The following SHISAL2A variants were observed in gnomAD, a reference collection of about 807,000 sequenced individuals.
SHISAL2A encodes the protein shisa like 2A, also known as protein shisa-like-2A.
In SHISAL2A, 18 loss-of-function variants were observed where a neutral mutation model predicts 11.5. The observed-to-expected ratio is 1.57, with a 90% confidence interval of 1.08 to 2.33. The LOEUF (loss-of-function observed/expected upper bound fraction) is 2.33. SHISAL2A is among the 30% of genes most tolerant of loss of function. The probability of loss-of-function intolerance (pLI) is 0.00; values close to 1 mark genes in which losing one functional copy is unlikely to be tolerated. For synonymous variants in SHISAL2A, 94 were observed against 99.6 expected, an observed-to-expected ratio of 0.94 and a Z score of 0.34; for missense variants, 261 against 250.9, an observed-to-expected ratio of 1.04 and a Z score of -0.27.
downstream of SHISAL2A, among the ~76,000 whole-genome samples, chr1:52,658,517 G>A (rs1271302646): frequency 6.6e-6 from 1 of 152,180 alleles, no homozygotes; most frequent in African/African-American, 2.4e-5. Context: ...CTGTGCCTCA[G>A]TCCTCTCATC....
downstream of SHISAL2A, among the ~76,000 whole-genome samples, chr1:52,660,503 G>A (rs1354959580): frequency 1.3e-5 from 2 of 152,178 alleles, no homozygotes; most frequent in East Asian, 3.9e-4. Context: ...AATAGTCTGA[G>A]CTCACCGCTG....
chr1:52,651,463 T>G (rs570550403), intron 2 of SHISAL2A, among the ~76,000 whole-genome samples: 1 of 152,190 alleles, frequency 6.6e-6, no homozygotes, highest in South Asian at 2.1e-4. Flanking sequence ...GGTCTTGAAC[T>G]CCTGACCTCG....
chr1:52,669,642 G>A (rs1296598995), exon 6 of SHISAL2A: 1 of 149,138 alleles, frequency 6.7e-6, no homozygotes, highest in African/African-American at 2.5e-5. Flanking sequence ...CCCCAGCCTG[G>A]GTGACAGAGC....
chr1:52,668,780 C>T (rs1692057879), exon 6 of SHISAL2A: 1 of 152,354 alleles, frequency 6.6e-6, no homozygotes, highest in African/African-American at 2.4e-5. Context: ...CTCACCTTTC[C>T]CCCAACTAAC....
chr1:52,665,097 C>T (rs552750715), intron 4 of SHISAL2A, among the ~76,000 whole-genome samples: 53 of 152,256 alleles, frequency 3.5e-4, no homozygotes, highest in African/African-American at 1.2e-3. Context: ...CACCCCTATG[C>T]GATGTCTGTA....
At position 52,633,670 on chromosome 1, in the gene SHISAL2A, G is replaced by T. The variant is rs368496104; in HGVS notation, c.177G>T (p.Trp59Cys). 2.7e-5 allele frequency: 44 copies of T among 1,604,832 alleles called. No homozygotes were observed. Among genetic ancestry groups the T allele is most frequent in the Admixed American group, 8.5e-5 (5 of 59,142 alleles). ...CCTACGAGCACAGCTACATGTGGTG[G>T]CTCAGGTACCGTCCCTGGCCCTCAC... is the stretch of plus-strand genomic sequence containing the variant. ...FFPYEHSYMW[W>C]LSIGALIGLS... Residue 59 changes from tryptophan to cysteine, a missense_variant, in exon 1 of 3, where the codon TGG becomes TGT. Physicochemically the swap from Trp to Cys is radical, Grantham distance 215. Transcript: ENST00000517870. The surrounding 1 kb of genome is among the most constrained non-coding windows in gnomAD (Gnocchi z 6.4).
intron 1 of SHISAL2A, among the ~76,000 whole-genome samples, chr1:52,641,670 G>C (rs1432526374): frequency 6.6e-6 from 1 of 152,190 alleles, no homozygotes; most frequent in Non-Finnish European, 1.5e-5. Context: ...CCTGGGCACG[G>C]TTGGCTCATG....
intron 1 of SHISAL2A, among the ~76,000 whole-genome samples, chr1:52,640,627 CA>C (rs939639303): frequency 8.7e-5 from 13 of 150,282 alleles, no homozygotes; most frequent in East Asian, 2.0e-4. Context: ...AAAAAACAAA[CA>C]AAAAAAAACA....
intron 1 of SHISAL2A, among the ~76,000 whole-genome samples, chr1:52,639,403 T>TG (rs1691308729): frequency 6.6e-6 from 1 of 152,208 alleles, no homozygotes; most frequent in Non-Finnish European, 1.5e-5. Flanking sequence ...TAGTGTGTCC[T>TG]GCTCTTTTCA....
downstream of SHISAL2A, among the ~76,000 whole-genome samples, chr1:52,657,447 G>A (rs1691814747): frequency 1.3e-5 from 2 of 152,268 alleles, no homozygotes; most frequent in South Asian, 2.1e-4. Flanking sequence ...CCTGGAGTGC[G>A]CCATCCTGGA....
At chr1:52,645,417 G>GTTTTT (rs1317602391) in intron 2 of SHISAL2A, among the ~76,000 whole-genome samples, 1 of 152,072 alleles carries the variant, frequency 6.6e-6, no homozygotes, top group Non-Finnish European at 1.5e-5. Context: ...GTTTTGTTTT[G>GTTTTT]TTTTGTTTGA....
intron 2 of SHISAL2A, among the ~76,000 whole-genome samples, chr1:52,647,061 T>C (rs1036866098): frequency 6.6e-6 from 1 of 152,192 alleles, no homozygotes; most frequent in Non-Finnish European, 1.5e-5. Context: ...CTTGAATTAC[T>C]GAACTTAGGT....
rs909379664 is a variant in SHISAL2A at position 52,633,217 on chromosome 1, G to A, written c.-277G>A. On this transcript the variant is annotated 5_prime_UTR_variant, in exon 1 of 3. Transcript: ENST00000517870. This position sits in a 1 kb window ranked among gnomAD's most constrained non-coding sequence, Gnocchi z 6.4. ...CGGCCCAGCTCCCCGCGTCCGCTCC[G>A]GCTCCTGCCGCGTTCCAGCAGCCGT... 73 of 278,876 alleles carry A rather than the reference G, an allele frequency of 2.6e-4. No homozygotes were observed. The highest frequency in any genetic ancestry group is 3.5e-4 in the Non-Finnish European group (53 of 151,218). 17.3% of individuals were successfully genotyped at this position (278,876 alleles called of 1,614,324 possible).
chr1:52,649,551 G>A lies in SHISAL2A; in HGVS notation c.322+6549G>A, dbSNP rs772483144. Among the ~76,000 whole-genome samples, 20 of 152,136 alleles carry A rather than the reference G, an allele frequency of 1.3e-4. 1 individual carries two copies. Among genetic ancestry groups the A allele is most frequent in the African/African-American group, 3.6e-4 (15 of 41,418 alleles). ...GCATTCTGTACTCTGTCCCATCACCGTCACACCCATCCCATCCCCAAACTT... is the reference window on the plus strand; with the variant it reads ...GCATTCTGTACTCTGTCCCATCACCATCACACCCATCCCATCCCCAAACTT... On this transcript the variant is annotated intron_variant, in intron 2 of 2. Transcript: ENST00000517870.
intron 1 of SHISAL2A, 117 bp from the exon 2 acceptor site, chr1:52,642,746 T>C (rs1166201867): frequency 1.9e-5 from 21 of 1,107,390 alleles, no homozygotes; most frequent in East Asian, 2.4e-5. Context: ...TAAATATTTT[T>C]ATTCTGTACA....
chr1:52,653,626 A>G (rs1283674757), intron 2 of SHISAL2A, among the ~76,000 whole-genome samples: 1 of 152,062 alleles, frequency 6.6e-6, no homozygotes, highest in Non-Finnish European at 1.5e-5. Flanking sequence ...ATAACCAACC[A>G]AACAAAAAAA....
At chr1:52,643,886 G>C (rs1024617421) in intron 2 of SHISAL2A, among the ~76,000 whole-genome samples, 3 of 141,592 alleles carry the variant, frequency 2.1e-5, no homozygotes, top group Admixed American at 2.1e-4. Context: ...GAAAGAGAGA[G>C]AGAGAGAGGG....
exon 5 of SHISAL2A, chr1:52,667,483 C>A: frequency 2.1e-6 from 1 of 484,932 alleles, no homozygotes. Context: ...TCACCATCAC[C>A]ATCACCATCA....
At position 52,643,878 on chromosome 1, in the gene SHISAL2A, AAGAG is replaced by A. The variant is rs755482602; in HGVS notation, c.322+889_322+892del. Reference sequence around the variant, plus strand: ...AAAGAAAGAAAGAAAGAAAGAGAGAAAGAGAGAGAGAGAGAGGGAGGGAGGGAGG... The same window carrying A: ...AAAGAAAGAAAGAAAGAAAGAGAGAAAGAGAGAGAGAGGGAGGGAGGGAGG... On this transcript the variant is annotated intron_variant, in intron 2 of 2. Transcript: ENST00000517870. Among the ~76,000 whole-genome samples, 152 of 143,352 alleles carry A rather than the reference AAGAG, an allele frequency of 1.1e-3. 1 individual carries two copies. Among genetic ancestry groups the A allele is most frequent in the African/African-American group, 3.1e-3 (124 of 39,742 alleles). The allele number at this position is 143,352 out of a possible 152,430, so 94.0% of individuals were successfully genotyped here.
Sources: gnomAD v4.1 joint callset for allele counts (sites outside exome capture counted in the v4.1 genomes callset) on GRCh38, gnomAD v4.1.1 for gene constraint, Gnocchi (gnomAD v3.1) non-coding constraint, MANE v1.5 for transcripts, NCBI Gene and HGNC (gene_info 2026-07-23, HGNC 2026-07-21) for gene names.